Variants in ARHGAP24 observed in about 807,000 individuals in gnomAD.
ARHGAP24 encodes Rho GTPase activating protein 24, also known as rho GTPase-activating protein 24.
In ARHGAP24, 50 loss-of-function variants were observed where a neutral mutation model predicts 76.4. The observed-to-expected ratio is 0.65, with a 90% CI of 0.52 to 0.83. The LOEUF (loss-of-function observed/expected upper bound fraction) is 0.83. ARHGAP24 is among the 40% of genes least tolerant of loss of function. The pLI, the probability that ARHGAP24 is intolerant of heterozygous loss-of-function variation, is 0.00. For missense variants in ARHGAP24, 930 were observed against 914.2 expected (o/e 1.02, Z -0.22); for synonymous variants, 345 against 323.3 (o/e 1.07, Z -0.72).
At chr4:85,565,825 G>A (rs1034865400) in intron 1 of ARHGAP24, among the ~76,000 whole-genome samples, 1 of 152,094 alleles carries the variant, frequency 6.6e-6, no homozygotes. Flanking sequence ...TATATTCTTT[G>A]TTGAAATGAA....
intron 2 of ARHGAP24, among the ~76,000 whole-genome samples, chr4:85,695,226 T>TA (rs939854560): frequency 5.8e-4 from 89 of 152,306 alleles, no homozygotes; most frequent in African/African-American, 2.1e-3. Flanking sequence ...CATCTCTACA[T>TA]AAAAAATTAA....
chr4:85,782,262 G>A (rs60257697), intron 3 of ARHGAP24, among the ~76,000 whole-genome samples: 3 of 151,928 alleles, frequency 2.0e-5, no homozygotes, highest in South Asian at 2.1e-4. Context: ...TTTAATTTTC[G>A]TGTTCATACC....
At chr4:85,564,706 C>T (rs140336115) in intron 1 of ARHGAP24, among the ~76,000 whole-genome samples, 228 of 151,310 alleles carry the variant, frequency 1.5e-3, no homozygotes, top group African/African-American at 5.3e-3. Flanking sequence ...AAGGAGCGCA[C>T]GACCTAGATC....
intron 2 of ARHGAP24, among the ~76,000 whole-genome samples, chr4:85,697,271 T>C (rs1351736330): frequency 6.6e-6 from 1 of 152,202 alleles, no homozygotes; most frequent in African/African-American, 2.4e-5. Flanking sequence ...TCAAGGAGCT[T>C]AACTATCTAG....
intron 2 of ARHGAP24, among the ~76,000 whole-genome samples, chr4:85,689,195 C>A (rs951300384): frequency 2.0e-5 from 3 of 152,088 alleles, no homozygotes; most frequent in Admixed American, 6.5e-5. Context: ...TTTATTCTTT[C>A]ATTTATTCAT....
At position 85,870,094 on chromosome 4, in the gene ARHGAP24, C is replaced by A. The variant is rs1296888062; in HGVS notation, c.269-53554C>A. ...AATGCATATAAAGCTTTTTTAAAAA[C>A]TGCCTGACACATAGACAGCACTTAA... is the stretch of plus-strand genomic sequence containing the variant. On this transcript the variant is annotated intron_variant, in intron 3 of 9. Transcript: ENST00000395184. Among the ~76,000 whole-genome samples, 3 of 152,270 alleles carry A rather than the reference C, an allele frequency of 2.0e-5. No homozygotes were observed. In the East Asian group the frequency reaches 5.8e-4, roughly 29 times the overall value.
intron 4 of ARHGAP24, among the ~76,000 whole-genome samples, chr4:85,931,907 TG>T (rs1293940810): frequency 1.6e-4 from 24 of 152,206 alleles, no homozygotes; most frequent in African/African-American, 5.8e-4. Context: ...CTGAGTTGAA[TG>T]ACATCTAGGG....
chr4:85,997,130 C>G (rs1740708547), intron 9 of ARHGAP24, among the ~76,000 whole-genome samples: 1 of 152,094 alleles, frequency 6.6e-6, no homozygotes, highest in South Asian at 2.1e-4. Context: ...GGGGACCGCT[C>G]GTGGCCTAGC....
At chr4:85,725,845 C>T (rs533516096) in intron 3 of ARHGAP24, among the ~76,000 whole-genome samples, 40 of 152,300 alleles carry the variant, frequency 2.6e-4, no homozygotes, top group Middle Eastern at 3.4e-3. Context: ...ACTGTTGCTG[C>T]CTCCTTTGGC....
intron 3 of ARHGAP24, among the ~76,000 whole-genome samples, chr4:85,914,143 G>A (rs1416104689): frequency 5.9e-5 from 9 of 152,108 alleles, no homozygotes; most frequent in Admixed American, 5.9e-4. Context: ...ATGCAAATAG[G>A]CATTTAGATA....
chr4:85,643,234 G>GTGTGTGTTTTTTTTTTTTTT (rs1721592505), intron 2 of ARHGAP24, among the ~76,000 whole-genome samples: 1 of 54,630 alleles, frequency 1.8e-5, no homozygotes, highest in African/African-American at 5.9e-5. Flanking sequence ...GTTTTTTTGT[G>GTGTGTGTTTTTTTTTTTTTT]TTTTTTTTTT....
chr4:85,923,417 G>A (rs1735841553), intron 3 of ARHGAP24, among the ~76,000 whole-genome samples: 1 of 152,142 alleles, frequency 6.6e-6, no homozygotes, highest in Admixed American at 6.6e-5. Context: ...AAAAACCCAG[G>A]CTTTGTTTAG....
chr4:85,992,511 G>A (rs1740396173), intron 8 of ARHGAP24, among the ~76,000 whole-genome samples: 1 of 152,042 alleles, frequency 6.6e-6, no homozygotes, highest in African/African-American at 2.4e-5. Context: ...GGGAAGCAGT[G>A]ATACTTCAAA....
intron 1 of ARHGAP24, among the ~76,000 whole-genome samples, chr4:85,564,412 G>A (rs1471595036): frequency 6.9e-6 from 1 of 144,648 alleles, no homozygotes; most frequent in Non-Finnish European, 1.5e-5. Context: ...GGGAGCGGGG[G>A]GGATAGCATT....
At chr4:85,534,286 C>T (rs2110118450) in intron 1 of ARHGAP24, among the ~76,000 whole-genome samples, 1 of 152,000 alleles carries the variant, frequency 6.6e-6, no homozygotes, top group Admixed American at 6.5e-5. Flanking sequence ...GCCCTCTGTT[C>T]CTTTGACACT....
intron 3 of ARHGAP24, among the ~76,000 whole-genome samples, chr4:85,888,414 A>AG (rs1733694178): frequency 6.6e-6 from 1 of 151,056 alleles, no homozygotes; most frequent in African/African-American, 2.4e-5. Context: ...AAAAAAAAAA[A>AG]AAAAGAAAGA....
At chr4:85,534,468 G>T (rs1257788401) in intron 1 of ARHGAP24, among the ~76,000 whole-genome samples, 4 of 152,190 alleles carry the variant, frequency 2.6e-5, no homozygotes, top group African/African-American at 9.6e-5. Flanking sequence ...GAATGTGGTG[G>T]CAATAACCAA....
intron 1 of ARHGAP24, among the ~76,000 whole-genome samples, chr4:85,556,089 T>A (rs1462003193): frequency 1.3e-5 from 2 of 151,208 alleles, no homozygotes; most frequent in Non-Finnish European, 3.0e-5. Flanking sequence ...AGCTGGTGGG[T>A]GGGGGTGACT....
At chr4:85,874,938 T>A (rs867860459) in intron 3 of ARHGAP24, among the ~76,000 whole-genome samples, 2 of 11,518 alleles carry the variant, frequency 1.7e-4, no homozygotes, top group Non-Finnish European at 2.3e-4. Flanking sequence ...AATTTATATA[T>A]AATATATTTT....
Sources: allele counts gnomAD v4.1 joint callset (sites outside exome capture counted in the v4.1 genomes callset), GRCh38; gene constraint gnomAD v4.1.1; transcripts MANE v1.5; gene names NCBI Gene and HGNC (gene_info 2026-07-23, HGNC 2026-07-21).